Variants in CEP63 observed in about 807,000 individuals in gnomAD.
CEP63 encodes centrosomal protein of 63 kDa.
CEP63 carries 84 observed loss-of-function variants against 89.1 expected under a neutral mutation model. The observed-to-expected ratio is 0.94, with a 90% CI of 0.79 to 1.13. CEP63 has a LOEUF of 1.13. CEP63 is among the 50% of genes most tolerant of loss of function. CEP63 has a pLI of 0.00. For missense variants in CEP63, 838 were observed against 813.3 expected (o/e 1.03, Z -0.37); for synonymous variants, 267 against 272.5 (o/e 0.98, Z 0.20).
intron 6 of CEP63, 27 bp from the exon 7 acceptor site, chr3:134,545,559 C>G (rs758136641): frequency 1.4e-6 from 2 of 1,449,740 alleles, no homozygotes; most frequent in East Asian, 4.6e-5. Flanking sequence ...TCCCTTTTAC[C>G]TATTGATTGA....
At chr3:134,663,896 C>A in the CEP63 span, among the ~76,000 whole-genome samples, 2 of 152,228 alleles carry the variant, frequency 1.3e-5, no homozygotes, top group African/African-American at 4.8e-5. Context: ...GCCAGGCCTT[C>A]TCCCACTGCA....
the CEP63 span, among the ~76,000 whole-genome samples, chr3:134,700,067 G>A: frequency 6.6e-6 from 1 of 152,364 alleles, no homozygotes; most frequent in East Asian, 1.9e-4. Flanking sequence ...TACATGTTGT[G>A]CCCTTGGTGG....
At chr3:134,733,900 A>T in the CEP63 span, among the ~76,000 whole-genome samples, 15 of 151,532 alleles carry the variant, frequency 9.9e-5, no homozygotes, top group African/African-American at 3.4e-4. Flanking sequence ...ATAATAAACC[A>T]TATAAAGCTC....
intron 12 of CEP63, 141 bp downstream of exon 12, chr3:134,552,153 C>G (rs1316061244): frequency 3.7e-6 from 2 of 541,718 alleles, no homozygotes; most frequent in Non-Finnish European, 6.6e-6. Context: ...GAAGGTAAAA[C>G]AATACTGGAA....
the CEP63 span, among the ~76,000 whole-genome samples, chr3:134,716,409 C>T: frequency 2.0e-5 from 3 of 152,254 alleles, no homozygotes; most frequent in East Asian, 5.8e-4. Context: ...AGGTATGACC[C>T]CTTCCCCAGT....
intron 1 of CEP63, among the ~76,000 whole-genome samples, chr3:134,490,140 T>G (rs1289854429): frequency 6.6e-6 from 1 of 152,152 alleles, no homozygotes; most frequent in African/African-American, 2.4e-5. Context: ...TAGTCGTTAG[T>G]TCTAGGATTT....
chr3:134,570,688 C>T (rs776330961), intron 11 of CEP63, among the ~76,000 whole-genome samples: 30 of 152,250 alleles, frequency 2.0e-4, no homozygotes, highest in Non-Finnish European at 3.5e-4. Flanking sequence ...CTACCCAGTT[C>T]CAAAGTCGCT....
chr3:134,665,798 G>A, the CEP63 span, among the ~76,000 whole-genome samples: 1 of 151,824 alleles, frequency 6.6e-6, no homozygotes, highest in Non-Finnish European at 1.5e-5. Flanking sequence ...GACAGACAGA[G>A]GAAGAAAGAA....
rs1011632671 is a variant in CEP63 at position 134,564,752 on chromosome 3, C to T, written c.*3217C>T. On this transcript the variant is annotated 3_prime_UTR_variant, in exon 15 of 15. Coordinates refer to ENST00000675561, the MANE Select transcript of CEP63 (RefSeq NM_001353108.3). ...GGAGATTTCTGAGTTTTAGACAGTCCCAAGCTTCAGCTTAAAATCTGTAGA... is the reference window on the plus strand; with the variant it reads ...GGAGATTTCTGAGTTTTAGACAGTCTCAAGCTTCAGCTTAAAATCTGTAGA... The T allele has an allele frequency of 1.0e-6, 1 of 985,360 alleles. No homozygotes were observed. The highest frequency in any genetic ancestry group is 4.7e-5 in the South Asian group (1 of 21,284). The allele number at this position is 985,360 out of a possible 1,614,324, so 61.0% of individuals were successfully genotyped here.
chr3:134,699,063 C>T, the CEP63 span, among the ~76,000 whole-genome samples: 1 of 152,066 alleles, frequency 6.6e-6, no homozygotes, highest in Non-Finnish European at 1.5e-5. Context: ...TGGGCTGGGG[C>T]CAAATTCAGA....
the CEP63 span, among the ~76,000 whole-genome samples, chr3:134,705,522 A>G: frequency 6.6e-6 from 1 of 152,222 alleles, no homozygotes; most frequent in African/African-American, 2.4e-5. Context: ...TCAAATTTCA[A>G]TATGAGTTTT....
the CEP63 span, among the ~76,000 whole-genome samples, chr3:134,658,000 G>A: frequency 3.9e-5 from 6 of 152,174 alleles, no homozygotes; most frequent in African/African-American, 1.2e-4. Flanking sequence ...AGGTTCAAGC[G>A]ATTTTCCTGA....
At chr3:134,701,044 G>A in the CEP63 span, among the ~76,000 whole-genome samples, 2 of 151,144 alleles carry the variant, frequency 1.3e-5, no homozygotes, top group African/African-American at 4.9e-5. Context: ...TTTTGTGTGT[G>A]TCATTTTGTT....
At chr3:134,719,575 A>AT in the CEP63 span, among the ~76,000 whole-genome samples, 4 of 152,040 alleles carry the variant, frequency 2.6e-5, no homozygotes, top group Non-Finnish European at 5.9e-5. Context: ...AATTTTAGGT[A>AT]TTTTTTCTCC....
chr3:134,547,868 C>T (rs763952188), intron 9 of CEP63, among the ~76,000 whole-genome samples: 2 of 152,054 alleles, frequency 1.3e-5, no homozygotes, highest in Non-Finnish European at 2.9e-5. Context: ...CTTGGCCTCC[C>T]AAAGTGCTGG....
At chr3:134,676,545 T>C in the CEP63 span, among the ~76,000 whole-genome samples, 1 of 152,114 alleles carries the variant, frequency 6.6e-6, no homozygotes, top group African/African-American at 2.4e-5. Context: ...CAAATAGTGA[T>C]TGTAAAGAAA....
At chr3:134,747,967 G>A in the CEP63 span, among the ~76,000 whole-genome samples, 5 of 152,098 alleles carry the variant, frequency 3.3e-5, no homozygotes, top group Admixed American at 1.3e-4. Context: ...TGTATTTTTA[G>A]TAGAGACAGG....
At chr3:134,525,321 C>T (rs920519923) in intron 3 of CEP63, among the ~76,000 whole-genome samples, 5 of 152,044 alleles carry the variant, frequency 3.3e-5, no homozygotes, top group Admixed American at 1.3e-4. Flanking sequence ...AAGAAATCAG[C>T]TTCTAGATTT....
the CEP63 span, among the ~76,000 whole-genome samples, chr3:134,775,038 C>T: frequency 5.3e-5 from 8 of 152,188 alleles, no homozygotes; most frequent in African/African-American, 1.4e-4. Flanking sequence ...TGTTCTACAT[C>T]GGCCTCCAGT....
Sources: gnomAD v4.1 joint callset for allele counts (sites outside exome capture counted in the v4.1 genomes callset) on GRCh38, gnomAD v4.1.1 for gene constraint, MANE v1.5 for transcripts, NCBI Gene and HGNC (gene_info 2026-07-23, HGNC 2026-07-21) for gene names.